The following PHKB variants were observed in gnomAD, a reference collection of about 807,000 sequenced individuals.
PHKB encodes phosphorylase kinase regulatory subunit beta, also known as phosphorylase b kinase regulatory subunit beta.
In PHKB, 122 loss-of-function variants were observed where a neutral mutation model predicts 152.1. The observed-to-expected ratio is 0.80, with a 90% CI of 0.69 to 0.93. PHKB has a LOEUF of 0.93. PHKB is among the 40% of genes least tolerant of loss of function. PHKB has a pLI of 0.00. For missense variants in PHKB, 1,304 were observed against 1,328.4 expected (o/e 0.98, Z 0.29); for synonymous variants, 436 against 464.9 (o/e 0.94, Z 0.80).
At chr16:47,648,377 C>T (rs1478023260) in intron 16 of PHKB, among the ~76,000 whole-genome samples, 156 bp from the exon 17 acceptor site, 1 of 152,160 alleles carries the variant, frequency 6.6e-6, no homozygotes, top group Non-Finnish European at 1.5e-5. Context: ...TCTAAGTTGA[C>T]ATCTTTGGTT....
chr16:47,609,447 G>T (rs1360734420), intron 13 of PHKB, among the ~76,000 whole-genome samples: 1 of 123,154 alleles, frequency 8.1e-6, no homozygotes, highest in Non-Finnish European at 1.7e-5. Context: ...GGGTGGGGGG[G>T]GGGCACAGTT....
At chr16:47,523,701 A>C (rs900273173) in intron 6 of PHKB, among the ~76,000 whole-genome samples, 2 of 152,190 alleles carry the variant, frequency 1.3e-5, no homozygotes, top group Non-Finnish European at 2.9e-5. Flanking sequence ...TGGACACTTC[A>C]TCCCCCAGGT....
At chr16:47,671,564 T>C (rs917429837) in intron 26 of PHKB, among the ~76,000 whole-genome samples, 1 of 152,188 alleles carries the variant, frequency 6.6e-6, no homozygotes, top group Non-Finnish European at 1.5e-5. Context: ...ATTCCACTAG[T>C]TTTACACATA....
At chr16:47,689,326 CAGAA>C in intron 27 of PHKB, 151 bp downstream of exon 27, 1 of 717,932 alleles carries the variant, frequency 1.4e-6, no homozygotes, top group African/African-American at 1.8e-5. Flanking sequence ...AAAGTGTAAA[CAGAA>C]AGACCAATCA....
At chr16:47,605,272 T>C (rs2151706575) in intron 13 of PHKB, among the ~76,000 whole-genome samples, 1 of 152,312 alleles carries the variant, frequency 6.6e-6, no homozygotes, top group East Asian at 1.9e-4. Context: ...ATACAGTCTA[T>C]GAGTTTATAC....
chr16:47,541,437 A>G (rs1004725939), intron 6 of PHKB, among the ~76,000 whole-genome samples: 3 of 152,222 alleles, frequency 2.0e-5, no homozygotes, highest in Admixed American at 1.3e-4. Flanking sequence ...TGCTATTGTG[A>G]ATAGTGCTGC....
chr16:47,528,229 A>G (rs891028076), intron 6 of PHKB, among the ~76,000 whole-genome samples: 1 of 152,250 alleles, frequency 6.6e-6, no homozygotes, highest in African/African-American at 2.4e-5. Context: ...TTGAAGGGTC[A>G]GACCTTATTG....
At chr16:47,653,213 TG>T (rs1973271629) in intron 20 of PHKB, among the ~76,000 whole-genome samples, 1 of 152,002 alleles carries the variant, frequency 6.6e-6, no homozygotes, top group African/African-American at 2.4e-5. Context: ...GAAAGCAGGG[TG>T]GAGGAAGGGA....
chr16:47,649,291 A>G (rs1056420693), intron 18 of PHKB, 87 bp downstream of exon 18: 8 of 802,314 alleles, frequency 1.0e-5, no homozygotes, highest in Admixed American at 1.8e-5. Flanking sequence ...ACTCCCAGGT[A>G]TCTGTGACAC....
chr16:47,611,964 C>G (rs967215125), intron 14 of PHKB, among the ~76,000 whole-genome samples: 1 of 152,168 alleles, frequency 6.6e-6, no homozygotes, highest in African/African-American at 2.4e-5. Context: ...AGTTACCGCT[C>G]ATGTTGGTAC....
chr16:47,478,864 A>G (rs930143479), intron 1 of PHKB, among the ~76,000 whole-genome samples: 1 of 152,172 alleles, frequency 6.6e-6, no homozygotes, highest in Admixed American at 6.5e-5. Flanking sequence ...TGTTCTGGGC[A>G]CACTGGTGAA....
chr16:47,693,292 C>T lies in PHKB; in HGVS notation c.2766-86C>T, dbSNP rs139363595. On this transcript the variant is annotated intron_variant, in intron 27 of 30. Transcript: ENST00000323584. ...CTTTGGCTTTTATTTCTTACCCTAT[C>T]AGAACAATTAGTTCATATTGAAAGC... 5.8e-3 allele frequency: 7,924 copies of T among 1,360,930 alleles called. 40 individuals are homozygous for T. Among genetic ancestry groups the T allele is most frequent in the Non-Finnish European group, 7.5e-3 (7,111 of 952,228 alleles). 84.3% of individuals were successfully genotyped at this position (1,360,930 alleles called of 1,614,324 possible).
intron 13 of PHKB, among the ~76,000 whole-genome samples, chr16:47,596,839 T>C (rs537012429): frequency 6.6e-6 from 1 of 152,326 alleles, no homozygotes; most frequent in East Asian, 1.9e-4. Flanking sequence ...TTATATGATA[T>C]ATTAAAAATT....
intron 10 of PHKB, among the ~76,000 whole-genome samples, chr16:47,591,381 T>C (rs531848289): frequency 1.2e-3 from 178 of 152,316 alleles, no homozygotes; most frequent in African/African-American, 4.2e-3. Flanking sequence ...CCCCAGTAGC[T>C]GTGCTGGCTT....
intron 8 of PHKB, among the ~76,000 whole-genome samples, chr16:47,584,281 A>G (rs1263502153): frequency 6.6e-6 from 1 of 152,052 alleles, no homozygotes; most frequent in African/African-American, 2.4e-5. Flanking sequence ...AAATTTCATG[A>G]CAAATATATT....
chr16:47,654,135 A>G (rs1973288596), intron 20 of PHKB, among the ~76,000 whole-genome samples: 1 of 152,214 alleles, frequency 6.6e-6, no homozygotes, highest in Admixed American at 6.5e-5. Context: ...TGATCAAACA[A>G]CAGAGAGCCA....
chr16:47,539,840 G>A (rs1043354283), intron 6 of PHKB, among the ~76,000 whole-genome samples: 2 of 152,032 alleles, frequency 1.3e-5, no homozygotes, highest in African/African-American at 4.8e-5. Flanking sequence ...CGTATGTCAC[G>A]TCAGGACCAC....
In PHKB at chr16:47,500,030, T is replaced by G. The variant is rs1215421807; in HGVS notation, c.305+136T>G. 3 of 972,606 alleles carry G rather than the reference T, an allele frequency of 3.1e-6. No homozygotes were observed. The African/African-American group carries it at 4.8e-5, about 16-fold the overall frequency. The allele number at this position is 972,606 out of a possible 1,614,324, so 60.2% of individuals were successfully genotyped here. A position where few individuals can be genotyped will look rare whatever the true frequency, so the allele number is the denominator to read the frequency against. ...ACCTATGACTGCTCACATCCCTTTT[T>G]AGGCCTCTAAACCTTTTCATTTTCT... On this transcript the variant is annotated intron_variant, in intron 3 of 30. Coordinates refer to ENST00000323584, the MANE Select transcript of PHKB (RefSeq NM_000293.3).
intron 7 of PHKB, among the ~76,000 whole-genome samples, chr16:47,550,703 G>A (rs1971256233): frequency 6.6e-6 from 1 of 152,018 alleles, no homozygotes; most frequent in African/African-American, 2.4e-5. Context: ...ATTGGTTATT[G>A]GCTGTTACGA....
Sources: gnomAD v4.1 joint callset for allele counts (sites outside exome capture counted in the v4.1 genomes callset) on GRCh38, gnomAD v4.1.1 for gene constraint, MANE v1.5 for transcripts, NCBI Gene and HGNC (gene_info 2026-07-23, HGNC 2026-07-21) for gene names.